Variants in NRXN3 observed in about 807,000 individuals in gnomAD.
NRXN3 encodes the protein neurexin 3.
Under a neutral mutation model 137.6 loss-of-function variants are expected in NRXN3, and 32 were observed. That is an observed-to-expected ratio of 0.23 (90% CI 0.18 to 0.31). NRXN3 has a LOEUF of 0.31. NRXN3 is among the 10% of genes least tolerant of loss of function. The pLI is 1.00. For missense variants in NRXN3, 1,574 were observed against 2,062.5 expected (o/e 0.76, Z 4.59); for synonymous variants, 798 against 784.5 (o/e 1.02, Z -0.29).
chr14:78,955,398 A>G (rs1282895727), intron 10 of NRXN3, among the ~76,000 whole-genome samples: 1 of 152,210 alleles, frequency 6.6e-6, no homozygotes, highest in African/African-American at 2.4e-5. Context: ...TAATCAGTTG[A>G]AAATACAGGG....
At chr14:78,831,849 A>G (rs2098983308) in intron 10 of NRXN3, among the ~76,000 whole-genome samples, 6 of 152,104 alleles carry the variant, frequency 3.9e-5, no homozygotes. Context: ...CTTTTCTGCA[A>G]GATGGTTTTC....
chr14:78,553,708 G>A (rs1361876535), intron 4 of NRXN3, among the ~76,000 whole-genome samples: 1 of 152,158 alleles, frequency 6.6e-6, no homozygotes, highest in Non-Finnish European at 1.5e-5. Context: ...CACAAGTCTT[G>A]TTTGCATATG....
intron 4 of NRXN3, among the ~76,000 whole-genome samples, chr14:78,508,184 A>G (rs1399405329): frequency 6.6e-6 from 1 of 152,220 alleles, no homozygotes; most frequent in Non-Finnish European, 1.5e-5. Context: ...GAAGGGTGTG[A>G]CTAAGACAGA....
chr14:79,219,217 C>T (rs1160555586), intron 15 of NRXN3, among the ~76,000 whole-genome samples: 1 of 152,118 alleles, frequency 6.6e-6, no homozygotes, highest in Non-Finnish European at 1.5e-5. Flanking sequence ...CGAACTCCTG[C>T]ACTCAAACAA....
At position 79,336,832 on chromosome 14, in the gene NRXN3, A is replaced by T. The variant is rs974939038; in HGVS notation, c.3263-130389A>T. ...CACATTCTTACTTTCTGGTAGCTGG[A>T]TTATGAACAACCCCAAGGTCAGGCT... On this transcript the variant is annotated intron_variant, in intron 15 of 20. Coordinates refer to ENST00000335750, the MANE Select transcript of NRXN3 (RefSeq NM_001330195.2). Among the ~76,000 whole-genome samples, 6 of 152,158 alleles carry T rather than the reference A, an allele frequency of 3.9e-5. No homozygotes were observed. In the East Asian group the frequency reaches 1.2e-3, roughly 29 times the overall value.
intron 4 of NRXN3, among the ~76,000 whole-genome samples, chr14:78,460,333 C>T (rs2094885763): frequency 6.6e-6 from 1 of 152,192 alleles, no homozygotes; most frequent in Non-Finnish European, 1.5e-5. Context: ...CAATCTTTAG[C>T]CCCTCTCTGT....
rs60009832 is a variant in NRXN3, at chr14:79,504,639, T to TATATATATGTATATATGTATATA, written c.3444+37237_3444+37238insATATATATGTATATATGTATATA. Among the ~76,000 whole-genome samples the TATATATATGTATATATGTATATA allele has an allele frequency of 3.5e-4, 33 of 93,402 alleles. 1 individual carries two copies. The highest frequency in any genetic ancestry group is 1.3e-3 in the African/African-American group (32 of 24,118). The allele number at this position is 93,402 out of a possible 152,430, so 61.3% of individuals were successfully genotyped here. On this transcript the variant is annotated intron_variant, in intron 16 of 20. Coordinates refer to ENST00000335750, the MANE Select transcript of NRXN3 (RefSeq NM_001330195.2). ...TAAACTTCCATTATAAAATGAAGTT[T>TATATATATGTATATATGTATATA]TTTATATATATATATGTATATATAT... is the stretch of plus-strand genomic sequence containing the variant.
At chr14:78,415,018 A>G (rs1325224656) in intron 4 of NRXN3, among the ~76,000 whole-genome samples, 2 of 152,176 alleles carry the variant, frequency 1.3e-5, no homozygotes, top group African/African-American at 4.8e-5. Context: ...TGTAATTTAG[A>G]AATGTCCACC....
intron 19 of NRXN3, among the ~76,000 whole-genome samples, chr14:79,718,391 G>A (rs1441952982): frequency 6.6e-6 from 1 of 152,216 alleles, no homozygotes; most frequent in Non-Finnish European, 1.5e-5. Flanking sequence ...CTGTTTGGCT[G>A]TGGAAAGCAG....
intron 15 of NRXN3, among the ~76,000 whole-genome samples, chr14:79,327,795 C>T (rs1244536346): frequency 1.3e-5 from 2 of 152,132 alleles, no homozygotes; most frequent in Non-Finnish European, 2.9e-5. Context: ...TTTCTTTGGT[C>T]CATTGGTGTG....
chr14:79,158,912 G>T (rs1469346908), intron 15 of NRXN3, among the ~76,000 whole-genome samples: 2 of 151,804 alleles, frequency 1.3e-5, no homozygotes, highest in Non-Finnish European at 2.9e-5. Flanking sequence ...GCTGCAAGAT[G>T]GTTGCCTAAT....
intron 15 of NRXN3, among the ~76,000 whole-genome samples, chr14:79,290,459 C>T (rs2082987470): frequency 6.6e-6 from 1 of 152,076 alleles, no homozygotes; most frequent in African/African-American, 2.4e-5. Flanking sequence ...TGCAGAGACT[C>T]AAACAAGTAG....
At chr14:79,723,362 C>T (rs1311220957) in intron 19 of NRXN3, among the ~76,000 whole-genome samples, 1 of 152,140 alleles carries the variant, frequency 6.6e-6, no homozygotes, top group East Asian at 1.9e-4. Flanking sequence ...CTCTCTGGTG[C>T]TTGCCCATGG....
intron 4 of NRXN3, among the ~76,000 whole-genome samples, chr14:78,405,143 CCTCTTCTTCCACTAAT>C (rs1449902621): frequency 5.3e-5 from 8 of 152,150 alleles, no homozygotes; most frequent in Admixed American, 2.0e-4. Flanking sequence ...TTTATTTTAA[CCTCTTCTTCCACTAAT>C]CTCATGCTTG....
intron 15 of NRXN3, among the ~76,000 whole-genome samples, chr14:79,094,695 G>A (rs2049908345): frequency 6.6e-6 from 1 of 152,040 alleles, no homozygotes; most frequent in African/African-American, 2.4e-5. Flanking sequence ...GTTTTTGTTT[G>A]TTTGTTTGTT....
At chr14:79,501,639 T>C (rs1376301724) in intron 16 of NRXN3, among the ~76,000 whole-genome samples, 1 of 152,140 alleles carries the variant, frequency 6.6e-6, no homozygotes, top group Non-Finnish European at 1.5e-5. Context: ...CAGTGAGAGT[T>C]TGGACTAAAT....
At chr14:79,385,631 C>T (rs897345304) in intron 15 of NRXN3, among the ~76,000 whole-genome samples, 4 of 152,078 alleles carry the variant, frequency 2.6e-5, no homozygotes, top group Non-Finnish European at 5.9e-5. Flanking sequence ...GACTTGGGCA[C>T]CATCCTTGTG....
chr14:79,580,000 A>G (rs933019645), intron 16 of NRXN3, among the ~76,000 whole-genome samples: 9 of 152,246 alleles, frequency 5.9e-5, no homozygotes, highest in Admixed American at 1.3e-4. Context: ...CTTCTTCATG[A>G]GATAAACATT....
chr14:79,126,576 G>C (rs146727197), intron 15 of NRXN3, among the ~76,000 whole-genome samples: 1,999 of 152,160 alleles, frequency 0.013, 21 homozygotes, highest in East Asian at 0.028. Context: ...GTCTATCATT[G>C]TTGGACATTT....
Sources: allele counts gnomAD v4.1 joint callset (sites outside exome capture counted in the v4.1 genomes callset), GRCh38; gene constraint gnomAD v4.1.1; transcripts MANE v1.5; gene names NCBI Gene and HGNC (gene_info 2026-07-23, HGNC 2026-07-21).